The following NDRG3 variants were observed in gnomAD, a reference collection of about 807,000 sequenced individuals.
The protein encoded by NDRG3 is NDRG family member 3, also known as protein NDRG3.
NDRG3 carries 23 observed loss-of-function variants against 57.2 expected under a neutral mutation model. That is an observed-to-expected ratio of 0.40 (90% CI 0.29 to 0.57). The LOEUF is 0.57. NDRG3 is among the 20% of genes least tolerant of loss of function. NDRG3 has a pLI of 0.42. For synonymous variants in NDRG3, 132 were observed against 162.6 expected, an observed-to-expected ratio of 0.81 and a Z score of 1.43; for missense variants, 384 against 457.3, an observed-to-expected ratio of 0.84 and a Z score of 1.46.
At chr20:36,745,883 C>T (rs1254843601) in intron 1 of NDRG3, among the ~76,000 whole-genome samples, 162 bp downstream of exon 1, 2 of 74,930 alleles carry the variant, frequency 2.7e-5, no homozygotes, top group East Asian at 3.5e-4. Flanking sequence ...GCGGGCGGGG[C>T]GGGGCAGAGG....
intron 7 of NDRG3, among the ~76,000 whole-genome samples, chr20:36,682,011 T>C (rs1307415666): frequency 1.3e-5 from 2 of 152,180 alleles, no homozygotes; most frequent in African/African-American, 4.8e-5. Context: ...GGCTTACTTT[T>C]TTTCTCTGAC....
At chr20:36,731,004 A>G (rs1568671355) in intron 1 of NDRG3, among the ~76,000 whole-genome samples, 1 of 152,100 alleles carries the variant, frequency 6.6e-6, no homozygotes, top group Non-Finnish European at 1.5e-5. Flanking sequence ...AGATTTTGCC[A>G]AAGTTTTCAG....
chr20:36,709,134 T>C (rs542924925), intron 2 of NDRG3, among the ~76,000 whole-genome samples: 1 of 152,300 alleles, frequency 6.6e-6, no homozygotes, highest in East Asian at 1.9e-4. Flanking sequence ...AGAGGGACTA[T>C]CTAGAGCTGC....
At position 36,714,119 on chromosome 20, in the gene NDRG3, G is replaced by A. The variant is rs908872723; in HGVS notation, c.58-7112C>T. On this transcript the variant is annotated intron_variant, in intron 2 of 15. Coordinates refer to ENST00000349004, the MANE Select transcript of NDRG3 (RefSeq NM_032013.4). Reference sequence around the variant, plus strand: ...TAAAATCATCAGCAGGGCCGTGCGCGGTGGCTCATGCCTGTAATCCCAGCA... The same window carrying A: ...TAAAATCATCAGCAGGGCCGTGCGCAGTGGCTCATGCCTGTAATCCCAGCA... 4.6e-5 allele frequency among the ~76,000 whole-genome samples: 7 copies of A among 151,964 alleles called. No homozygotes were observed. In the South Asian group the frequency reaches 8.3e-4, roughly 18 times the overall value.
At chr20:36,711,854 A>G (rs945838647) in intron 2 of NDRG3, among the ~76,000 whole-genome samples, 29 of 152,190 alleles carry the variant, frequency 1.9e-4, no homozygotes, top group Admixed American at 1.7e-3. Flanking sequence ...ATCTTGGCTC[A>G]CTGCAAGCTC....
intron 7 of NDRG3, 71 bp from the exon 8 acceptor site, chr20:36,680,973 G>A: frequency 7.8e-7 from 1 of 1,285,094 alleles, no homozygotes; most frequent in South Asian, 1.2e-5. Flanking sequence ...TTGGAACATG[G>A]TTGATCAATT....
intron 2 of NDRG3, among the ~76,000 whole-genome samples, chr20:36,717,966 C>T (rs137967210): frequency 1.3e-5 from 2 of 152,282 alleles, no homozygotes; most frequent in Non-Finnish European, 2.9e-5. Context: ...CCCAAAACAT[C>T]GACAGTGAGA....
intron 9 of NDRG3, among the ~76,000 whole-genome samples, chr20:36,670,256 C>T (rs958218188): frequency 1.3e-5 from 2 of 151,980 alleles, no homozygotes; most frequent in Admixed American, 1.3e-4. Context: ...AGGATGTGTG[C>T]ATTACACTGT....
chr20:36,721,046 G>A (rs1332014430), intron 2 of NDRG3, among the ~76,000 whole-genome samples: 1 of 151,702 alleles, frequency 6.6e-6, no homozygotes, highest in Non-Finnish European at 1.5e-5. Context: ...AAAGTGCTGG[G>A]ATTACAGGTG....
At chr20:36,730,226 G>A (rs568721300) in intron 1 of NDRG3, among the ~76,000 whole-genome samples, 94 of 148,720 alleles carry the variant, frequency 6.3e-4, no homozygotes, top group African/African-American at 2.1e-3. Flanking sequence ...CAGCCCGGGC[G>A]ACAGAGCGAG....
chr20:36,728,796 G>A (rs763664056), intron 1 of NDRG3, among the ~76,000 whole-genome samples: 2 of 151,976 alleles, frequency 1.3e-5, no homozygotes, highest in African/African-American at 4.8e-5. Flanking sequence ...CTCAATCGCG[G>A]CTCACTGCAA....
intron 3 of NDRG3, among the ~76,000 whole-genome samples, chr20:36,694,207 A>AAGGGGAGGC (rs1338395077): frequency 1.3e-5 from 2 of 152,108 alleles, no homozygotes; most frequent in African/African-American, 4.8e-5. Flanking sequence ...GAGGAGGTGA[A>AAGGGGAGGC]AGGGGAGGCA....
rs949505665 is a variant in NDRG3 at position 36,669,659 on chromosome 20, G to A, written c.588+1682C>T. Among the ~76,000 whole-genome samples, 16 of 152,050 alleles carry A rather than the reference G, an allele frequency of 1.1e-4. No individual in the cohort carries two copies. In the East Asian group the frequency reaches 1.6e-3, roughly 15 times the overall value. Reference sequence around the variant, plus strand: ...GGATTACAGGCGTGAGCCATGGCGCGCGGCCGATTTTTGAATTTTTATAAA... The same window carrying A: ...GGATTACAGGCGTGAGCCATGGCGCACGGCCGATTTTTGAATTTTTATAAA... On this transcript the variant is annotated intron_variant, in intron 9 of 15. Transcript: ENST00000349004.
In NDRG3 at chr20:36,715,000, GTGTGTGTATATATATATATATATATA is replaced by G. The variant is rs1336243088; in HGVS notation, c.57+6653_57+6678del. ...CCTATATCTGTGTGTGTGTGTGTGT[GTGTGTGTATATATATATATATATATA>G]TATATATATATATATATATATATAT... On this transcript the variant is annotated intron_variant, in intron 2 of 15. Coordinates refer to ENST00000349004, the MANE Select transcript of NDRG3 (RefSeq NM_032013.4). 8.3e-4 allele frequency among the ~76,000 whole-genome samples: 47 copies of G among 56,572 alleles called. 1 individual carries two copies. Among genetic ancestry groups the G allele is most frequent in the East Asian group, 3.4e-3 (6 of 1,772 alleles). The allele number at this position is 56,572 out of a possible 152,430, so 37.1% of individuals were successfully genotyped here.
At chr20:36,731,033 T>C (rs1438636075) in intron 1 of NDRG3, among the ~76,000 whole-genome samples, 1 of 151,718 alleles carries the variant, frequency 6.6e-6, no homozygotes, top group African/African-American at 2.4e-5. Context: ...ATAAAAGAAT[T>C]ATGGAACAAT....
chr20:36,733,532 G>A (rs1985449577), intron 1 of NDRG3, among the ~76,000 whole-genome samples: 1 of 151,686 alleles, frequency 6.6e-6, no homozygotes, highest in Admixed American at 6.6e-5. Flanking sequence ...AGACCATCCT[G>A]GCCAACATGG....
At chr20:36,722,518 G>A (rs528105275) in intron 1 of NDRG3, among the ~76,000 whole-genome samples, 5 of 152,136 alleles carry the variant, frequency 3.3e-5, no homozygotes, top group Non-Finnish European at 5.9e-5. Flanking sequence ...TACTGAAGAC[G>A]GATAAAGAAA....
intron 2 of NDRG3, among the ~76,000 whole-genome samples, chr20:36,718,031 C>T (rs1984374885): frequency 1.3e-5 from 2 of 152,232 alleles, no homozygotes; most frequent in Admixed American, 6.5e-5. Context: ...AGCTACTTCA[C>T]CTTTCCTAGC....
At chr20:36,695,516 TG>T (rs1982701084) in intron 3 of NDRG3, among the ~76,000 whole-genome samples, 3 of 152,272 alleles carry the variant, frequency 2.0e-5, no homozygotes, top group Admixed American at 1.3e-4. Context: ...AACGCATTCC[TG>T]GGGGGACGGA....
Sources: allele counts gnomAD v4.1 joint callset (sites outside exome capture counted in the v4.1 genomes callset), GRCh38; gene constraint gnomAD v4.1.1; transcripts MANE v1.5; gene names NCBI Gene and HGNC (gene_info 2026-07-23, HGNC 2026-07-21).